Variants in ARAP2 observed in about 807,000 individuals in gnomAD.
ARAP2 encodes arf-GAP with Rho-GAP domain, ANK repeat and PH domain-containing protein 2.
Under a neutral mutation model 194.5 loss-of-function variants are expected in ARAP2, and 148 were observed. The observed-to-expected ratio is 0.76, with a 90% CI of 0.67 to 0.87. The LOEUF is 0.87. Ranked by LOEUF, ARAP2 falls within the 40% of genes least tolerant of loss-of-function variation. The probability of loss-of-function intolerance (pLI) is 0.00; values close to 1 mark genes in which losing one functional copy is unlikely to be tolerated. For missense variants in ARAP2, 2,128 were observed against 1,989.7 expected, an observed-to-expected ratio of 1.07 and a Z score of -1.32; for synonymous variants, 695 against 683.5, an observed-to-expected ratio of 1.02 and a Z score of -0.26.
At chr4:36,153,038 C>T (rs939995721) in intron 15 of ARAP2, among the ~76,000 whole-genome samples, 18 of 152,146 alleles carry the variant, frequency 1.2e-4, no homozygotes, top group Admixed American at 2.0e-4. Context: ...AATGTGACTG[C>T]AGATCTCATT....
chr4:36,103,155 G>T (rs1464156942), intron 27 of ARAP2, among the ~76,000 whole-genome samples: 11 of 151,516 alleles, frequency 7.3e-5, no homozygotes, highest in Admixed American at 2.0e-4. Flanking sequence ...GTTGCATTTT[G>T]AATTACACTA....
chr4:36,028,521 TG>T (rs1281051118), intron 5 of ARAP2, among the ~76,000 whole-genome samples: 2 of 152,014 alleles, frequency 1.3e-5, no homozygotes. Context: ...TAATTTTTTT[TG>T]TTTCAGTGGT....
At chr4:36,016,796 A>C (rs774654515) in intron 6 of ARAP2, among the ~76,000 whole-genome samples, 2 of 152,278 alleles carry the variant, frequency 1.3e-5, no homozygotes, top group Non-Finnish European at 1.5e-5. Flanking sequence ...CCATTCTTCA[A>C]TTTGAATGAC....
chr4:36,126,298 G>T (rs544805251), intron 21 of ARAP2, among the ~76,000 whole-genome samples: 3 of 151,888 alleles, frequency 2.0e-5, no homozygotes, highest in African/African-American at 7.2e-5. Context: ...ACACTACTAC[G>T]CTTAAAACAA....
In ARAP2 at chr4:36,067,946, G is replaced by T; in HGVS notation, c.5076C>A (p.Thr1692=). The T allele has an allele frequency of 6.2e-7, 1 of 1,600,878 alleles. No homozygotes were observed. Among genetic ancestry groups the T allele is most frequent in the Non-Finnish European group, 8.5e-7 (1 of 1,173,396 alleles). The change falls in exon 33 of 33, where the codon ACC becomes ACA. Residue 1692 remains threonine, a synonymous_variant. Transcript: ENST00000303965. ...GCTCATCCTGTAATTCTTTTGGAAG[G>T]GTTCTTGACCGTTGTAGAACCACAT... ...ELNVVLQRSR[T]LPKELQDEQI... is the part of the protein sequence containing the mutation.
chr4:36,054,198 A>C (rs911366247), intron 2 of ARAP2, among the ~76,000 whole-genome samples: 3 of 152,214 alleles, frequency 2.0e-5, no homozygotes, highest in African/African-American at 7.2e-5. Context: ...AGAACATCAG[A>C]GCAGCAATTG....
intron 32 of ARAP2, among the ~76,000 whole-genome samples, chr4:36,072,136 AAAGT>A (rs1162046895): frequency 6.6e-6 from 1 of 152,072 alleles, no homozygotes. Flanking sequence ...ATTGCCTTAT[AAAGT>A]AAGTTTCATT....
chr4:36,036,404 T>C (rs917308632), intron 5 of ARAP2, among the ~76,000 whole-genome samples: 1 of 152,028 alleles, frequency 6.6e-6, no homozygotes, highest in Admixed American at 6.6e-5. Flanking sequence ...CTTTACTTGA[T>C]GTGTGTTAGT....
Position 36,080,377 on chromosome 4 carries a change from C to A in ARAP2, c.4545-98G>T, listed in dbSNP as rs569657626. 119 of 947,420 alleles carry A rather than the reference C, an allele frequency of 1.3e-4. No homozygotes were observed. In the East Asian group the frequency reaches 2.9e-3, roughly 23 times the overall value. The allele number at this position is 947,420 out of a possible 1,614,324, so 58.7% of individuals were successfully genotyped here. On this transcript the variant is annotated intron_variant, in intron 30 of 32. Transcript: ENST00000303965. ...ATTTGGTGATCAAAAATCTCTGGGT[C>A]TCTCCTGATTAATGACGTAATGCAA... is the stretch of plus-strand genomic sequence containing the variant.
At chr4:36,140,403 T>C (rs561099274) in intron 19 of ARAP2, among the ~76,000 whole-genome samples, 8 of 151,896 alleles carry the variant, frequency 5.3e-5, no homozygotes, top group African/African-American at 1.7e-4. Flanking sequence ...TTTGTAATAG[T>C]CTCTTTCTTT....
Position 36,178,002 on chromosome 4 carries a change from T to C in ARAP2, c.1682A>G (p.Glu561Gly). The change falls in exon 9 of 33, where the codon GAG becomes GGG. Residue 561 changes from glutamate to glycine, a missense_variant. Glu to Gly is a moderately conservative substitution (Grantham distance 98, BLOSUM62 -2). Transcript: ENST00000303965. ...TAGTATGCTGATCCAGTCATTTCTC[T>C]CCTCTGAAAATGAAGACAGGAGAAA... ...TFVFRVEKEE[E>G]RNDWISILLN... 3 of 1,587,666 alleles carry C rather than the reference T, an allele frequency of 1.9e-6. No homozygotes were observed. The highest frequency in any genetic ancestry group is 2.6e-6 in the Non-Finnish European group (3 of 1,170,046).
intron 16 of ARAP2, among the ~76,000 whole-genome samples, chr4:36,149,432 A>G (rs1730418405): frequency 6.6e-6 from 1 of 152,206 alleles, no homozygotes; most frequent in African/African-American, 2.4e-5. Flanking sequence ...ATATGTCTAT[A>G]TAAATCTTCA....
chr4:36,150,574 G>A (rs917305914), intron 16 of ARAP2, among the ~76,000 whole-genome samples: 4 of 151,876 alleles, frequency 2.6e-5, no homozygotes, highest in East Asian at 1.9e-4. Flanking sequence ...CCCAGGAGGC[G>A]GAGGTTGCAG....
chr4:36,187,464 T>G lies in ARAP2; in HGVS notation c.1665A>C (p.Arg555Ser). ...VVTTQRTFVF[R>S]VEKEEERNDW... ...AAATAATCTCACCTTCTTTTTCTAC[T>G]CTAAAAACAAAAGTTCTTTGTGTTG... The change falls in exon 8 of 33, where the codon AGA (arginine) becomes AGC (serine). Residue 555 changes from arginine (R) to serine (S), a missense_variant. By Grantham distance (110) the Arg-to-Ser change is moderately radical (BLOSUM62 -1). Coordinates refer to ENST00000303965, the MANE Select transcript of ARAP2 (RefSeq NM_015230.4). 1 of 1,439,078 alleles carries G rather than the reference T, an allele frequency of 6.9e-7. No individual in the cohort carries two copies. The highest frequency in any genetic ancestry group is 9.4e-7 in the Non-Finnish European group (1 of 1,064,202). 89.1% of individuals were successfully genotyped at this position (1,439,078 alleles called of 1,614,324 possible).
At chr4:36,208,355 G>A (rs73128472) in intron 6 of ARAP2, among the ~76,000 whole-genome samples, 3,085 of 152,256 alleles carry the variant, frequency 0.02, 98 homozygotes, top group African/African-American at 0.07. Context: ...ATCGGCTTAC[G>A]TATTGGCTAC....
intron 6 of ARAP2, among the ~76,000 whole-genome samples, chr4:36,204,503 T>C (rs985440341): frequency 1.3e-5 from 2 of 152,142 alleles, no homozygotes; most frequent in African/African-American, 2.4e-5. Context: ...GAGAGAGGCA[T>C]AGAGAATCCC....
At position 36,169,992 on chromosome 4, in the gene ARAP2, A is replaced by G. The variant is rs1257932601; in HGVS notation, c.1858-2945T>C. On this transcript the variant is annotated intron_variant, in intron 9 of 32. Coordinates refer to ENST00000303965, the MANE Select transcript of ARAP2 (RefSeq NM_015230.4). ...GAAACAACTGCATTTTCTATTAAAAAACTGTGGACATTAAGCCATTATTTT... is the reference window on the plus strand; with the variant it reads ...GAAACAACTGCATTTTCTATTAAAAGACTGTGGACATTAAGCCATTATTTT... 2.0e-5 allele frequency among the ~76,000 whole-genome samples: 3 copies of G among 152,232 alleles called. No homozygotes were observed. The East Asian group carries it at 5.8e-4, about 29-fold the overall frequency.
intron 5 of ARAP2, among the ~76,000 whole-genome samples, chr4:36,032,570 T>A (rs1719167495): frequency 6.6e-6 from 1 of 152,228 alleles, no homozygotes; most frequent in Non-Finnish European, 1.5e-5. Context: ...AATAGTATAA[T>A]GAAGCATTTA....
intron 19 of ARAP2, among the ~76,000 whole-genome samples, chr4:36,134,731 C>CAAAT (rs1726246005): frequency 2.1e-5 from 2 of 95,322 alleles, no homozygotes; most frequent in Admixed American, 2.2e-4. Flanking sequence ...TAAACACACA[C>CAAAT]AAATACACAC....
Sources: gnomAD v4.1 joint callset for allele counts (sites outside exome capture counted in the v4.1 genomes callset) on GRCh38, gnomAD v4.1.1 for gene constraint, MANE v1.5 for transcripts, NCBI Gene and HGNC (gene_info 2026-07-23, HGNC 2026-07-21) for gene names.